AGAP1: variants seen among roughly 807,000 people sequenced by gnomAD.
AGAP1 encodes the protein arf-GAP with GTPase, ANK repeat and PH domain-containing protein 1.
In AGAP1, 29 loss-of-function variants were observed where a neutral mutation model predicts 105.3. The observed-to-expected ratio is 0.28, with a 90% CI of 0.21 to 0.38. The LOEUF (loss-of-function observed/expected upper bound fraction) is 0.38. Among genes scored for constraint, AGAP1 ranks in the 10% least tolerant of loss-of-function variants. The probability of loss-of-function intolerance (pLI) is 1.00; values close to 1 mark genes in which losing one functional copy is unlikely to be tolerated. For missense variants in AGAP1, 998 were observed against 1,165.1 expected (o/e 0.86, Z 2.09); for synonymous variants, 509 against 485.9 (o/e 1.05, Z -0.63).
chr2:235,803,780 A>G (rs916631864), intron 8 of AGAP1, among the ~76,000 whole-genome samples: 16 of 152,212 alleles, frequency 1.1e-4, no homozygotes, highest in Admixed American at 2.6e-4. Context: ...AAATCTCTGT[A>G]TTAGTCCAAA....
At position 235,971,470 on chromosome 2, in the gene AGAP1, G is replaced by A. The variant is rs2054638746; in HGVS notation, c.1645+2847G>A. On this transcript the variant is annotated intron_variant, in intron 13 of 17. Coordinates refer to ENST00000304032, the MANE Select transcript of AGAP1 (RefSeq NM_001037131.3). The surrounding 1 kb of genome is among the most constrained non-coding windows in gnomAD (Gnocchi z 4.8). ...TATCCCAGCACTTTGGGAGGCTGAG[G>A]CGGGCGGATCACGAGGTCAGGAGAT... Among the ~76,000 whole-genome samples the A allele has an allele frequency of 6.6e-6, 1 of 152,186 alleles. No individual in the cohort carries two copies. The highest frequency in any genetic ancestry group is 6.5e-5 in the Admixed American group (1 of 15,288).
rs2057366711 is a variant in AGAP1, at chr2:236,035,941, A to G, written c.1646-620A>G. On this transcript the variant is annotated intron_variant, in intron 13 of 17. Coordinates refer to ENST00000304032, the MANE Select transcript of AGAP1 (RefSeq NM_001037131.3). The surrounding 1 kb of genome is among the most constrained non-coding windows in gnomAD (Gnocchi z 4.2). ...GGTGGGGTCGCAGGGTATACCCCCA[A>G]GTTCCTCTCTTCCCATTGCAGACAT... Among the ~76,000 whole-genome samples, 1 of 152,204 alleles carries G rather than the reference A, an allele frequency of 6.6e-6. No homozygotes were observed. The highest frequency in any genetic ancestry group is 1.9e-4 in the East Asian group (1 of 5,148).
At chr2:235,508,028 G>A (rs1053039545) in intron 1 of AGAP1, among the ~76,000 whole-genome samples, 2 of 152,128 alleles carry the variant, frequency 1.3e-5, no homozygotes, top group African/African-American at 4.8e-5. Context: ...GTGAGACCAT[G>A]AGATATTTGG....
intron 16 of AGAP1, among the ~76,000 whole-genome samples, chr2:236,086,672 C>A (rs2058935498): frequency 1.3e-5 from 2 of 152,126 alleles, no homozygotes; most frequent in Admixed American, 6.6e-5. Flanking sequence ...AAAATTTTAG[C>A]TGGGCGTCTT....
At chr2:235,597,600 G>A (rs937744684) in intron 1 of AGAP1, among the ~76,000 whole-genome samples, 2 of 152,190 alleles carry the variant, frequency 1.3e-5, no homozygotes, top group African/African-American at 4.8e-5. Context: ...ATTATTTTAG[G>A]GTTACCCAAA....
rs1354709039 is a variant in AGAP1 at position 236,027,483 on chromosome 2, T to G, written c.1646-9078T>G. Reference sequence around the variant, plus strand: ...CTCCCGCCGGTGCCCACCTCTGCGCTGAGCATGTAGGGTTCCATCTCCCGC... The same window carrying G: ...CTCCCGCCGGTGCCCACCTCTGCGCGGAGCATGTAGGGTTCCATCTCCCGC... On this transcript the variant is annotated intron_variant, in intron 13 of 17. Transcript: ENST00000304032. This position sits in a 1 kb window ranked among gnomAD's most constrained non-coding sequence, Gnocchi z 4.4. Among the ~76,000 whole-genome samples, 1 of 152,068 alleles carries G rather than the reference T, an allele frequency of 6.6e-6. No homozygotes were observed. Among genetic ancestry groups the G allele is most frequent in the Non-Finnish European group, 1.5e-5 (1 of 67,992 alleles).
chr2:235,881,216 T>C (rs1249783849), intron 9 of AGAP1, among the ~76,000 whole-genome samples: 2 of 152,220 alleles, frequency 1.3e-5, no homozygotes, highest in Non-Finnish European at 2.9e-5. Context: ...TGTCACAGTA[T>C]TGGTAATTAA....
intron 1 of AGAP1, among the ~76,000 whole-genome samples, chr2:235,583,437 C>T (rs553562701): frequency 9.9e-5 from 15 of 152,250 alleles, no homozygotes; most frequent in African/African-American, 3.4e-4. Context: ...TCATTTGAAC[C>T]TATGCGGCTG....
chr2:236,112,184 G>A (rs1056556408), intron 16 of AGAP1, among the ~76,000 whole-genome samples: 2 of 151,730 alleles, frequency 1.3e-5, no homozygotes, highest in African/African-American at 4.8e-5. Flanking sequence ...GGGAGGCCGA[G>A]GAGGACAGAT....
chr2:235,909,797 G>A (rs2051487910), intron 11 of AGAP1, among the ~76,000 whole-genome samples: 1 of 152,120 alleles, frequency 6.6e-6, no homozygotes, highest in Non-Finnish European at 1.5e-5. Flanking sequence ...GAGGCGGGTG[G>A]ATCGCCTGAG....
At position 235,959,469 on chromosome 2, in the gene AGAP1, A is replaced by G. The variant is rs575371857; in HGVS notation, c.1484-8993A>G. ...ACACCTAGAAGCCAGGGGCATTCAT[A>G]TTCCCGTGGCCGAGCTCAGCGCCCA... On this transcript the variant is annotated intron_variant, in intron 12 of 17. Coordinates refer to ENST00000304032, the MANE Select transcript of AGAP1 (RefSeq NM_001037131.3). The surrounding 1 kb of genome is among the most constrained non-coding windows in gnomAD (Gnocchi z 7.3). Among the ~76,000 whole-genome samples the G allele has an allele frequency of 4.6e-5, 7 of 152,192 alleles. No individual in the cohort carries two copies. The East Asian group carries it at 1.4e-3, about 30-fold the overall frequency.
rs534962323 is a variant in AGAP1, at chr2:236,071,351, A to T, written c.2114+22070A>T. On this transcript the variant is annotated intron_variant, in intron 16 of 17. Transcript: ENST00000304032. Reference sequence around the variant, plus strand: ...GCCTGCAGATGGCTTCCTGCTGAGCACCTCGGTGGTCCCAGCCACTCCTGG... The same window carrying T: ...GCCTGCAGATGGCTTCCTGCTGAGCTCCTCGGTGGTCCCAGCCACTCCTGG... Among the ~76,000 whole-genome samples the T allele has an allele frequency of 4.6e-5, 7 of 152,110 alleles. No homozygotes were observed. In the South Asian group the frequency reaches 6.3e-4, roughly 14 times the overall value.
intron 1 of AGAP1, among the ~76,000 whole-genome samples, chr2:235,653,830 G>T (rs1296096322): frequency 6.6e-6 from 1 of 152,234 alleles, no homozygotes; most frequent in Non-Finnish European, 1.5e-5. Context: ...GCCGAGGCAG[G>T]CGGATTATTT....
At chr2:236,106,383 G>A (rs1284271280) in intron 16 of AGAP1, among the ~76,000 whole-genome samples, 1 of 152,262 alleles carries the variant, frequency 6.6e-6, no homozygotes, top group Non-Finnish European at 1.5e-5. Flanking sequence ...GAGGGTTGAT[G>A]TGCAGGCACT....
chr2:235,859,657 C>T (rs545134820), intron 9 of AGAP1, among the ~76,000 whole-genome samples: 2 of 151,938 alleles, frequency 1.3e-5, no homozygotes, highest in African/African-American at 4.8e-5. Flanking sequence ...TCCGGAAGGC[C>T]TTAGAGTTAT....
Position 235,752,238 on chromosome 2 carries a change from C to T in AGAP1, c.673+1750C>T, listed in dbSNP as rs1273666578. ...CTTTGCCCAGGCTGGAGTGCAATGGCGTGATGGCAGCTCACTGCAACCTCT... is the reference window on the plus strand; with the variant it reads ...CTTTGCCCAGGCTGGAGTGCAATGGTGTGATGGCAGCTCACTGCAACCTCT... On this transcript the variant is annotated intron_variant, in intron 6 of 17. Coordinates refer to ENST00000304032, the MANE Select transcript of AGAP1 (RefSeq NM_001037131.3). This position sits in a 1 kb window ranked among gnomAD's most constrained non-coding sequence, Gnocchi z 4.3. 1.3e-5 allele frequency among the ~76,000 whole-genome samples: 2 copies of T among 152,100 alleles called. No homozygotes were observed. The highest frequency in any genetic ancestry group is 6.6e-5 in the Admixed American group (1 of 15,260).
At chr2:235,816,740 A>G (rs1958478598) in intron 9 of AGAP1, among the ~76,000 whole-genome samples, 1 of 151,830 alleles carries the variant, frequency 6.6e-6, no homozygotes, top group African/African-American at 2.4e-5. Flanking sequence ...AAAATACAAA[A>G]ATTAGCTACA....
rs2149117611 is a variant in AGAP1, at chr2:235,552,111, T to A, written c.163+57262T>A. On this transcript the variant is annotated intron_variant, in intron 1 of 17. Transcript: ENST00000304032. This position sits in a 1 kb window ranked among gnomAD's most constrained non-coding sequence, Gnocchi z 5.9. The stretch of plus-strand genomic sequence containing the variant: ...TTCAGTGCCCCATAACTGGCCGCGG[T>A]ACTGCCACCCGCTGGAAGGGGCCTG... Among the ~76,000 whole-genome samples, 1 of 152,214 alleles carries A rather than the reference T, an allele frequency of 6.6e-6. No individual in the cohort carries two copies. Among genetic ancestry groups the A allele is most frequent in the South Asian group, 2.1e-4 (1 of 4,820 alleles).
chr2:235,968,791 T>G (rs1435817124), intron 13 of AGAP1, among the ~76,000 whole-genome samples, 168 bp downstream of exon 13: 1 of 152,156 alleles, frequency 6.6e-6, no homozygotes, highest in African/African-American at 2.4e-5. Context: ...TTGGGACCTT[T>G]TCATCACTGT....
Sources: gnomAD v4.1 joint callset for allele counts (sites outside exome capture counted in the v4.1 genomes callset) on GRCh38, gnomAD v4.1.1 for gene constraint, Gnocchi (gnomAD v3.1) non-coding constraint, MANE v1.5 for transcripts, NCBI Gene and HGNC (gene_info 2026-07-23, HGNC 2026-07-21) for gene names.